Variants in MARCHF4 observed in about 807,000 individuals in gnomAD.
The protein encoded by MARCHF4 is membrane associated ring-CH-type finger 4.
MARCHF4 carries 14 observed loss-of-function variants against 43.9 expected under a neutral mutation model. The observed-to-expected ratio is 0.32, with a 90% CI of 0.21 to 0.50. MARCHF4 has a LOEUF of 0.50. Ranked by LOEUF, MARCHF4 falls within the 20% of genes least tolerant of loss-of-function variation. MARCHF4 has a pLI of 0.98. For synonymous variants in MARCHF4, 226 were observed against 213.3 expected, an observed-to-expected ratio of 1.06 and a Z score of -0.52; for missense variants, 468 against 536.7, an observed-to-expected ratio of 0.87 and a Z score of 1.27.
At chr2:216,316,902 G>A (rs1016982237) in intron 1 of MARCHF4, among the ~76,000 whole-genome samples, 2 of 152,148 alleles carry the variant, frequency 1.3e-5, no homozygotes, top group African/African-American at 4.8e-5. Flanking sequence ...AGGACTCCAA[G>A]GGGGAATTCC....
chr2:216,263,439 G>C (rs1413746180), intron 3 of MARCHF4, among the ~76,000 whole-genome samples: 1 of 4,350 alleles, frequency 2.3e-4, no homozygotes. Context: ...AAGAGAAAGA[G>C]AGAGAGAGAG....
At chr2:216,309,879 C>G (rs1691656020) in intron 1 of MARCHF4, among the ~76,000 whole-genome samples, 2 of 151,994 alleles carry the variant, frequency 1.3e-5, no homozygotes, top group African/African-American at 2.4e-5. Flanking sequence ...TGCCCCCTTT[C>G]AACCAAAAGA....
At chr2:216,306,978 T>A (rs988086963) in intron 1 of MARCHF4, among the ~76,000 whole-genome samples, 22 of 151,134 alleles carry the variant, frequency 1.5e-4, no homozygotes, top group Admixed American at 3.3e-4. Context: ...TCTCTCTCTC[T>A]CACACACACA....
Position 216,304,445 on chromosome 2 carries a change from A to G in MARCHF4, c.517-20716T>C, listed in dbSNP as rs138452257. Reference sequence around the variant, plus strand: ...GCAAAACTGACACCTAGATCCCTCAATAGAGGAAAGAGAAGCTGTTTGTAA... The same window carrying G: ...GCAAAACTGACACCTAGATCCCTCAGTAGAGGAAAGAGAAGCTGTTTGTAA... On this transcript the variant is annotated intron_variant, in intron 1 of 3. Coordinates refer to ENST00000273067, the MANE Select transcript of MARCHF4 (RefSeq NM_020814.3). 6.6e-5 allele frequency among the ~76,000 whole-genome samples: 10 copies of G among 152,318 alleles called. No individual in the cohort carries two copies. The East Asian group carries it at 1.7e-3, about 26-fold the overall frequency.
chr2:216,361,807 G>T (rs995934655), intron 1 of MARCHF4, among the ~76,000 whole-genome samples: 1 of 152,172 alleles, frequency 6.6e-6, no homozygotes, highest in Non-Finnish European at 1.5e-5. Context: ...CAGTGAGAGA[G>T]GGTAGTAGGA....
chr2:216,339,665 A>G (rs533766266), intron 1 of MARCHF4, among the ~76,000 whole-genome samples: 1 of 152,172 alleles, frequency 6.6e-6, no homozygotes, highest in East Asian at 1.9e-4. Flanking sequence ...AATCCTTTTC[A>G]AATCCTCATC....
intron 1 of MARCHF4, among the ~76,000 whole-genome samples, chr2:216,339,456 C>T (rs1421402693): frequency 6.6e-6 from 1 of 152,198 alleles, no homozygotes; most frequent in African/African-American, 2.4e-5. Context: ...GTTGCTCTGA[C>T]TCTAATTAGC....
At chr2:216,293,590 A>G (rs1359279406) in intron 1 of MARCHF4, among the ~76,000 whole-genome samples, 1 of 148,872 alleles carries the variant, frequency 6.7e-6, no homozygotes, top group Non-Finnish European at 1.5e-5. Flanking sequence ...AAAAAAAACA[A>G]TGTAAAAAGA....
At chr2:216,259,834 T>C in intron 3 of MARCHF4, 155 bp from the exon 4 acceptor site, 1 of 732,006 alleles carries the variant, frequency 1.4e-6, no homozygotes, top group Non-Finnish European at 2.2e-6. Flanking sequence ...GCTCAGCAAG[T>C]TCCAGTAGGC....
intron 1 of MARCHF4, among the ~76,000 whole-genome samples, chr2:216,355,854 G>T (rs1692493672): frequency 1.3e-5 from 2 of 152,288 alleles, no homozygotes; most frequent in African/African-American, 4.8e-5. Flanking sequence ...TGCATTTCAT[G>T]CAGACCCAGC....
chr2:216,295,362 A>G (rs986771844), intron 1 of MARCHF4, among the ~76,000 whole-genome samples: 7 of 152,154 alleles, frequency 4.6e-5, no homozygotes, highest in African/African-American at 1.7e-4. Context: ...TCTGGGCTTA[A>G]GCTATCCTCC....
intron 1 of MARCHF4, among the ~76,000 whole-genome samples, chr2:216,353,431 T>G (rs1318530100): frequency 6.6e-6 from 1 of 152,242 alleles, no homozygotes; most frequent in Non-Finnish European, 1.5e-5. Context: ...TTATTTCTCC[T>G]GAAAGGTGCA....
intron 3 of MARCHF4, among the ~76,000 whole-genome samples, chr2:216,271,893 C>A (rs978871990): frequency 1.3e-5 from 2 of 151,338 alleles, no homozygotes; most frequent in South Asian, 4.2e-4. Flanking sequence ...TGTGCTCAAG[C>A]GATCCTCCTA....
At chr2:216,263,517 G>GAAAGAGAGAA (rs1339027222) in intron 3 of MARCHF4, among the ~76,000 whole-genome samples, 1 of 97,214 alleles carries the variant, frequency 1.0e-5, no homozygotes, top group African/African-American at 2.8e-5. Flanking sequence ...GAGAGAGAGA[G>GAAAGAGAGAA]AGAGAGAGAG....
chr2:216,332,109 G>C, intron 1 of MARCHF4, among the ~76,000 whole-genome samples: 1 of 152,124 alleles, frequency 6.6e-6, no homozygotes, highest in Non-Finnish European at 1.5e-5. Context: ...CTGAATTTGG[G>C]GCCGGGCACA....
chr2:216,370,561 A>G lies in MARCHF4; in HGVS notation c.-301T>C. On this transcript the variant is annotated 5_prime_UTR_variant, in exon 1 of 4. Transcript: ENST00000273067. ...TCCTTTCTGCTTTTGACCTGAGGAC[A>G]CTGGTAGGAGCAGAGGGATTGAAGA... 6.4e-6 allele frequency: 2 copies of G among 310,946 alleles called. No individual in the cohort carries two copies. Among genetic ancestry groups the G allele is most frequent in the Non-Finnish European group, 1.2e-5 (2 of 169,590 alleles). The allele number at this position is 310,946 out of a possible 1,614,324, so 19.3% of individuals were successfully genotyped here.
chr2:216,338,874 C>G (rs965000966), intron 1 of MARCHF4, among the ~76,000 whole-genome samples: 1 of 152,184 alleles, frequency 6.6e-6, no homozygotes, highest in Non-Finnish European at 1.5e-5. Flanking sequence ...ATCCTCACCA[C>G]AACCCTACCA....
chr2:216,338,906 C>T (rs552503925), intron 1 of MARCHF4, among the ~76,000 whole-genome samples: 1 of 152,242 alleles, frequency 6.6e-6, no homozygotes, highest in South Asian at 2.1e-4. Flanking sequence ...TTATTATCTC[C>T]CATTTACAAG....
At chr2:216,273,201 G>A (rs1360301324) in intron 3 of MARCHF4, among the ~76,000 whole-genome samples, 2 of 152,228 alleles carry the variant, frequency 1.3e-5, no homozygotes. Flanking sequence ...CGCTCCAAAA[G>A]GAAAGGTAAA....
Sources: allele counts gnomAD v4.1 joint callset (sites outside exome capture counted in the v4.1 genomes callset), GRCh38; gene constraint gnomAD v4.1.1; transcripts MANE v1.5; gene names NCBI Gene and HGNC (gene_info 2026-07-23, HGNC 2026-07-21).